Variants in PPP1R9B observed in about 807,000 individuals in gnomAD.
PPP1R9B encodes neurabin-2.
In PPP1R9B, 17 loss-of-function variants were observed where a neutral mutation model predicts 75.8. The observed-to-expected ratio is 0.22, with a 90% CI of 0.15 to 0.34. The LOEUF is 0.34. PPP1R9B is among the 10% of genes least tolerant of loss of function. The probability of loss-of-function intolerance (pLI) is 1.00; values close to 1 mark genes in which losing one functional copy is unlikely to be tolerated. For synonymous variants in PPP1R9B, 509 were observed against 535.4 expected, an observed-to-expected ratio of 0.95 and a Z score of 0.68; for missense variants, 875 against 1,196.0, an observed-to-expected ratio of 0.73 and a Z score of 3.96.
chr17:50,144,315 G>A (rs1251936254), intron 2 of PPP1R9B, among the ~76,000 whole-genome samples: 1 of 152,050 alleles, frequency 6.6e-6, no homozygotes, highest in African/African-American at 2.4e-5. Flanking sequence ...CTCCACCTGA[G>A]CCAAATGACC....
In PPP1R9B at chr17:50,133,833, G is replaced by T. The variant is rs1281467913; in HGVS notation, c.*1498C>A. ...ATATATATATTATATACAGAGATGC[G>T]GCCCTCCCGACGGCTGGGCAGGGGT... On this transcript the variant is annotated 3_prime_UTR_variant, in exon 10 of 10. Coordinates refer to ENST00000612501, the MANE Select transcript of PPP1R9B (RefSeq NM_032595.5). 1.3e-5 allele frequency: 2 copies of T among 152,408 alleles called. No individual in the cohort carries two copies. Among genetic ancestry groups the T allele is most frequent in the Non-Finnish European group, 2.9e-5 (2 of 68,060 alleles). The allele number at this position is 152,408 out of a possible 1,614,324, so 9.4% of individuals were successfully genotyped here. A position where few individuals can be genotyped will look rare whatever the true frequency, so the allele number is the denominator to read the frequency against.
Position 50,148,520 on chromosome 17 carries a change from C to T in PPP1R9B, c.1371+623G>A, listed in dbSNP as rs73987431. On this transcript the variant is annotated intron_variant, in intron 1 of 9. Transcript: ENST00000612501. ...GGCCTGCAGGGACCCCCAGGGAACA[C>T]GGCGCCAGCCAGTCACATGGCCACA... 5.4e-3 allele frequency among the ~76,000 whole-genome samples: 819 copies of T among 152,360 alleles called. 10 individuals carry two copies. The highest frequency in any genetic ancestry group is 0.019 in the African/African-American group (786 of 41,590).
intron 3 of PPP1R9B, among the ~76,000 whole-genome samples, chr17:50,141,755 C>G (rs1390385008): frequency 6.6e-6 from 1 of 152,102 alleles, no homozygotes; most frequent in Non-Finnish European, 1.5e-5. Context: ...GGTACTTTGT[C>G]TACCTGCGTA....
rs1296909141 is a variant in PPP1R9B, at chr17:50,149,119, G to T, written c.1371+24C>A. 2.3e-5 allele frequency: 32 copies of T among 1,393,502 alleles called. No individual in the cohort carries two copies. The highest frequency in any genetic ancestry group is 2.9e-5 in the Non-Finnish European group (31 of 1,072,692). The allele number at this position is 1,393,502 out of a possible 1,614,324, so 86.3% of individuals were successfully genotyped here. On this transcript the variant is annotated intron_variant, in intron 1 of 9. Transcript: ENST00000612501. The surrounding 1 kb of genome is among the most constrained non-coding windows in gnomAD (Gnocchi z 7.2). ...GTGCACGTGGCAGGGGCGGCGCGGG[G>T]GCAGGGCGGGGGGGCTCACTTACTT...
At chr17:50,136,296 A>AGGAATC in intron 7 of PPP1R9B, 99 bp from the exon 8 acceptor site, 2 of 987,498 alleles carry the variant, frequency 2.0e-6, no homozygotes, top group Non-Finnish European at 3.0e-6. Context: ...GGGGATTCCT[A>AGGAATC]CCGTTGTGGA....
rs1232541567 is a variant in PPP1R9B, at chr17:50,150,481, AC to A, written c.32del (p.Gly11ValfsTer20). The A allele has an allele frequency of 1.7e-5, 23 of 1,364,996 alleles. No homozygotes were observed. Among genetic ancestry groups the A allele is most frequent in the South Asian group, 1.0e-4 (6 of 59,150 alleles). The allele number at this position is 1,364,996 out of a possible 1,614,324, so 84.6% of individuals were successfully genotyped here. On this transcript the variant is annotated frameshift_variant, in exon 1 of 10. Coordinates refer to ENST00000612501, the MANE Select transcript of PPP1R9B (RefSeq NM_032595.5). LOFTEE classifies it high-confidence loss of function. The surrounding 1 kb of genome is among the most constrained non-coding windows in gnomAD (Gnocchi z 8.7). MMKTEPRGPG[G>X]PLRSASPHRS... ...GGTGCGGGGAGGCGCTCCGGAGGGG[AC>A]CCCCGGGCCCCCGTGGCTCCGTCTT...
Position 50,139,355 on chromosome 17 carries a change from TG to T in PPP1R9B, c.2020-40del, listed in dbSNP as rs1912310635. 2.5e-6 allele frequency: 4 copies of T among 1,613,916 alleles called. No individual in the cohort carries two copies. In the African/African-American group the frequency reaches 4.0e-5, roughly 16 times the overall value. On this transcript the variant is annotated intron_variant, in intron 6 of 9. Transcript: ENST00000612501. The surrounding 1 kb of genome is among the most constrained non-coding windows in gnomAD (Gnocchi z 5.0). ...GGGCAGGCACTCAGCTCCAGCAGGG[TG>T]GGGCAGGCAGTGCCAAGGGCAGGAG... is the stretch of plus-strand genomic sequence containing the variant.
chr17:50,144,429 G>A (rs544664709), intron 2 of PPP1R9B, among the ~76,000 whole-genome samples: 1 of 152,246 alleles, frequency 6.6e-6, no homozygotes, highest in South Asian at 2.1e-4. Flanking sequence ...ATCCACTTGT[G>A]ACCCCCTCCC....
intron 1 of PPP1R9B, among the ~76,000 whole-genome samples, chr17:50,148,457 C>T (rs912879585): frequency 3.9e-5 from 6 of 152,218 alleles, no homozygotes; most frequent in Admixed American, 2.6e-4. Flanking sequence ...AAGGACCACA[C>T]AAAGTGCCCC....
rs114712786 is a variant in PPP1R9B at position 50,143,290 on chromosome 17, C to T, written c.1625+308G>A. Among the ~76,000 whole-genome samples the T allele has an allele frequency of 3.0e-3, 452 of 152,290 alleles. 4 individuals carry two copies. The highest frequency in any genetic ancestry group is 0.01 in the African/African-American group (431 of 41,540). On this transcript the variant is annotated intron_variant, in intron 3 of 9. Transcript: ENST00000612501. ...AATATACTCCATGCCTGTCTTCTCC[C>T]TACCAGGGCCCAAACTGTACTCCAG...
chr17:50,144,796 A>T (rs1435841393), intron 2 of PPP1R9B, among the ~76,000 whole-genome samples: 1 of 152,162 alleles, frequency 6.6e-6, no homozygotes, highest in Non-Finnish European at 1.5e-5. Flanking sequence ...CCATCTCCCC[A>T]GGAGCCCACC....
intron 7 of PPP1R9B, among the ~76,000 whole-genome samples, chr17:50,138,568 T>C (rs1912289633): frequency 6.6e-6 from 1 of 152,170 alleles, no homozygotes; most frequent in African/African-American, 2.4e-5. Flanking sequence ...AGCACAAACA[T>C]AGAGACACCT....
chr17:50,143,555 G>A lies in PPP1R9B; in HGVS notation c.1625+43C>T, dbSNP rs373592955. On this transcript the variant is annotated intron_variant, in intron 3 of 9. Coordinates refer to ENST00000612501, the MANE Select transcript of PPP1R9B (RefSeq NM_032595.5). ...CCCACCCCACCAAGGATGGCCGGTC[G>A]GAGAGGGAAAAAGGGTCAGGCGAGA... The A allele has an allele frequency of 3.3e-5, 53 of 1,609,310 alleles. No homozygotes were observed. In the African/African-American group the frequency reaches 5.7e-4, roughly 17 times the overall value.
intron 7 of PPP1R9B, among the ~76,000 whole-genome samples, chr17:50,136,958 C>G (rs561726445): frequency 2.9e-4 from 44 of 152,314 alleles, no homozygotes; most frequent in Non-Finnish European, 6.0e-4. Flanking sequence ...TAAAAGGCGC[C>G]ACAACCTCAT....
rs1229485004 is a variant in PPP1R9B at position 50,142,970 on chromosome 17, C to G, written c.1625+628G>C. Among the ~76,000 whole-genome samples the G allele has an allele frequency of 3.3e-5, 5 of 151,460 alleles. No individual in the cohort carries two copies. The highest frequency in any genetic ancestry group is 5.9e-5 in the Non-Finnish European group (4 of 67,954). On this transcript the variant is annotated intron_variant, in intron 3 of 9. Coordinates refer to ENST00000612501, the MANE Select transcript of PPP1R9B (RefSeq NM_032595.5). The surrounding 1 kb of genome is among the most constrained non-coding windows in gnomAD (Gnocchi z 4.1). ...GGCGCCACTGCCTGGAACCTCTGCA[C>G]TCACTCCCTCAGCACAGCTAACTCC...
Position 50,149,023 on chromosome 17 carries a change from G to C in PPP1R9B, c.1371+120C>G. 1 of 673,008 alleles carries C rather than the reference G, an allele frequency of 1.5e-6. No individual in the cohort carries two copies. Among genetic ancestry groups the C allele is most frequent in the Non-Finnish European group, 2.3e-6 (1 of 438,116 alleles). 41.7% of individuals were successfully genotyped at this position (673,008 alleles called of 1,614,324 possible). ...CCCTGAGGGTGGGAACTTCTGGGAA[G>C]GGGGCTGGGTGGCAGGGGCTGACTC... On this transcript the variant is annotated intron_variant, in intron 1 of 9. Transcript: ENST00000612501. The surrounding 1 kb of genome is among the most constrained non-coding windows in gnomAD (Gnocchi z 7.2).
Position 50,135,562 on chromosome 17 carries a change from G to A in PPP1R9B, c.2391C>T (p.Leu797=), listed in dbSNP as rs969758249. 4 of 1,610,576 alleles carry A rather than the reference G, an allele frequency of 2.5e-6. No homozygotes were observed. Among genetic ancestry groups the A allele is most frequent in the South Asian group, 2.2e-5 (2 of 90,646 alleles). ...ELARKEEMDK[L]LDKISELEGN... is the part of the protein sequence containing the mutation. ...GGCGCCCCAGGCCCACCTTGTCCAGGAGCTTGTCCATCTCCTCCTTTCTGG... is the reference window on the plus strand; with the variant it reads ...GGCGCCCCAGGCCCACCTTGTCCAGAAGCTTGTCCATCTCCTCCTTTCTGG... Residue 797 remains leucine, a synonymous_variant, in exon 9 of 10, where the codon CTC becomes CTT. Transcript: ENST00000612501.
chr17:50,135,342 T>C lies in PPP1R9B; in HGVS notation c.2443A>G (p.Asn815Asp). The C allele has an allele frequency of 6.2e-7, 1 of 1,613,210 alleles. No individual in the cohort carries two copies. Among genetic ancestry groups the C allele is most frequent in the Non-Finnish European group, 8.5e-7 (1 of 1,179,338 alleles). ...TGGAATGATTCCTGTTAAGTAGAATTGGAATTCCTCAGTGTTTGCAAGTTT... is the reference window on the plus strand; with the variant it reads ...TGGAATGATTCCTGTTAAGTAGAATCGGAATTCCTCAGTGTTTGCAAGTTT... ...EGNLQTLRNS[N>D]ST is the part of the protein sequence containing the mutation. The change falls in exon 10 of 10, where the codon AAT becomes GAT. Residue 815 changes from asparagine to aspartate, a missense_variant. By Grantham distance (23) the Asn-to-Asp change is conservative. This residue lies in a region of PPP1R9B where 218 missense variants were observed against 334.6 expected (regional missense o/e 0.65). Transcript: ENST00000612501.
Position 50,149,456 on chromosome 17 carries a change from T to C in PPP1R9B, c.1058A>G (p.Glu353Gly). 1.2e-6 allele frequency: 2 copies of C among 1,606,540 alleles called. No homozygotes were observed. The highest frequency in any genetic ancestry group is 2.2e-5 in the South Asian group (2 of 90,338). ...PEEPKAQAAP[E>G]KEAAAVAPPE... ...CGGCGCTACCGCCGCCGCCTCCTTC[T>C]CCGGGGCCGCTTGGGCCTTTGGCTC... is the stretch of plus-strand genomic sequence containing the variant. Residue 353 changes from glutamate (E) to glycine (G), a missense_variant, in exon 1 of 10, where the codon GAG becomes GGG. This residue lies in a region of PPP1R9B where 449 missense variants were observed against 475.0 expected (regional missense o/e 0.95). Coordinates refer to ENST00000612501, the MANE Select transcript of PPP1R9B (RefSeq NM_032595.5). This position sits in a 1 kb window ranked among gnomAD's most constrained non-coding sequence, Gnocchi z 7.2.
Sources: gnomAD v4.1 joint callset for allele counts (sites outside exome capture counted in the v4.1 genomes callset) on GRCh38, gnomAD v4.1.1 for gene constraint, gnomAD v4.1.1 regional missense constraint, Gnocchi (gnomAD v3.1) non-coding constraint, MANE v1.5 for transcripts, NCBI Gene and HGNC (gene_info 2026-07-23, HGNC 2026-07-21) for gene names.